Variants in LRRC3C observed in about 807,000 individuals in gnomAD.
LRRC3C encodes the protein leucine rich repeat containing 3C.
LRRC3C carries 11 observed loss-of-function variants against 14.8 expected under a neutral mutation model. The observed-to-expected ratio is 0.74, with a 90% CI of 0.47 to 1.23. LRRC3C has a LOEUF of 1.23. LRRC3C is among the 50% of genes most tolerant of loss of function. LRRC3C has a pLI of 0.00. For synonymous variants in LRRC3C, 149 were observed against 161.5 expected, an observed-to-expected ratio of 0.92 and a Z score of 0.59; for missense variants, 354 against 361.8, an observed-to-expected ratio of 0.98 and a Z score of 0.18.
chr17:39,927,842 T>G (rs1021751744), intron 1 of LRRC3C, 28 bp downstream of exon 1: 1 of 985,514 alleles, frequency 1.0e-6, no homozygotes, highest in Non-Finnish European at 1.2e-6. Context: ...CTTTTGCTTC[T>G]GTGCCCTTCA....
intron 1 of LRRC3C, among the ~76,000 whole-genome samples, chr17:39,931,768 G>A (rs1978657430): frequency 9.0e-4 from 1 of 1,108 alleles, no homozygotes. Flanking sequence ...TCCTGCCTCA[G>A]CCTCCCGAGT....
chr17:39,939,756 T>G (rs1372150907), intron 2 of LRRC3C, among the ~76,000 whole-genome samples: 1 of 152,182 alleles, frequency 6.6e-6, no homozygotes, highest in African/African-American at 2.4e-5. Context: ...CTAAGTGTGG[T>G]TCCTCCTTCC....
chr17:39,943,744 T>C (rs1013920534), intron 3 of LRRC3C, among the ~76,000 whole-genome samples, 189 bp from the exon 4 acceptor site: 2 of 151,936 alleles, frequency 1.3e-5, no homozygotes, highest in African/African-American at 4.8e-5. Context: ...AAGACCCTAT[T>C]GAGGAGACTT....
intron 1 of LRRC3C, among the ~76,000 whole-genome samples, chr17:39,931,985 C>T (rs1978662809): frequency 6.6e-6 from 1 of 152,042 alleles, no homozygotes; most frequent in Non-Finnish European, 1.5e-5. Context: ...TAAAACTGTT[C>T]ATAATAAAAA....
At chr17:39,939,520 G>A (rs1978884879) in intron 2 of LRRC3C, 1 of 554,346 alleles carries the variant, frequency 1.8e-6, no homozygotes, top group African/African-American at 2.1e-5. Flanking sequence ...TGGTCCAGAT[G>A]AAGCCCCAGC....
chr17:39,944,039 C>A lies in LRRC3C; in HGVS notation c.133C>A (p.Pro45Thr). Reference sequence around the variant, plus strand: ...AGGCACAGGGGGTACTGTGCCCAGCCCCCAGGTGCCTCCCCGGGGCTGTTA... The same window carrying A: ...AGGCACAGGGGGTACTGTGCCCAGCACCCAGGTGCCTCCCCGGGGCTGTTA... ...VIGTGGTVPS[P>T]QVPPRGCYVA... The change falls in exon 4 of 4, where the codon CCC (proline) becomes ACC (threonine). Residue 45 changes from proline to threonine, a missense_variant. Transcript: ENST00000377924. 1 of 1,536,118 alleles carries A rather than the reference C, an allele frequency of 6.5e-7. No homozygotes were observed. The highest frequency in any genetic ancestry group is 8.7e-7 in the Non-Finnish European group (1 of 1,146,878).
intron 1 of LRRC3C, among the ~76,000 whole-genome samples, chr17:39,928,285 G>T (rs909251055): frequency 6.6e-6 from 1 of 152,226 alleles, no homozygotes; most frequent in Non-Finnish European, 1.5e-5. Flanking sequence ...AGCTTGTGTG[G>T]CTTTGAATGA....
chr17:39,938,111 G>A (rs1484140854), intron 2 of LRRC3C, among the ~76,000 whole-genome samples: 1 of 151,950 alleles, frequency 6.6e-6, no homozygotes, highest in African/African-American at 2.4e-5. Flanking sequence ...CAGCCTGGGC[G>A]ACAGAGTGAG....
At chr17:39,930,777 CA>C (rs1598291210) in intron 1 of LRRC3C, among the ~76,000 whole-genome samples, 1 of 146,788 alleles carries the variant, frequency 6.8e-6, no homozygotes, top group East Asian at 2.0e-4. Flanking sequence ...ACAAGGTATT[CA>C]ACGATATTAA....
In LRRC3C at chr17:39,933,429, G is replaced by A. The variant is rs182232076; in HGVS notation, c.-174-2373G>A. 2.4e-3 allele frequency among the ~76,000 whole-genome samples: 363 copies of A among 152,212 alleles called. 1 individual carries two copies. The highest frequency in any genetic ancestry group is 2.7e-3 in the Admixed American group (41 of 15,284). ...TGGCCGTGTTCAGAAGCTGGGAGAA[G>A]GGATGTCAAGAAACAGTGCCTCGAG... is the stretch of plus-strand genomic sequence containing the variant. On this transcript the variant is annotated intron_variant, in intron 1 of 3. Transcript: ENST00000377924.
chr17:39,941,549 T>A lies in LRRC3C; in HGVS notation c.26T>A (p.Val9Glu). Residue 9 changes from valine (V) to glutamate (E), a missense_variant and splice_region_variant, in exon 3 of 4, where the codon GTA becomes GAA. Val to Glu is a moderately radical substitution (Grantham distance 121). Coordinates refer to ENST00000377924, the MANE Select transcript of LRRC3C (RefSeq NM_001195545.2). MRMTSSSF[V>E]SYCTPGLCQF... ...ATGCGTATGACCTCATCTTCCTTCG[T>A]GTAAGTATATCCACCCCTAGTCTCT... The A allele has an allele frequency of 6.5e-7, 1 of 1,535,494 alleles. No individual in the cohort carries two copies. Among genetic ancestry groups the A allele is most frequent in the Non-Finnish European group, 8.7e-7 (1 of 1,146,574 alleles).
intron 1 of LRRC3C, among the ~76,000 whole-genome samples, chr17:39,933,146 T>C (rs1389819611): frequency 1.3e-5 from 2 of 152,224 alleles, no homozygotes; most frequent in Non-Finnish European, 2.9e-5. Context: ...TTTTTCATTC[T>C]CTAGTTTCAA....
At chr17:39,938,121 G>T (rs910434062) in intron 2 of LRRC3C, among the ~76,000 whole-genome samples, 3 of 151,760 alleles carry the variant, frequency 2.0e-5, no homozygotes, top group Non-Finnish European at 4.4e-5. Context: ...GACAGAGTGA[G>T]ACTCTGTCTC....
rs1313086313 is a variant in LRRC3C, at chr17:39,944,173, C to T, written c.267C>T (p.Asn89=). 4 of 1,536,250 alleles carry T rather than the reference C, an allele frequency of 2.6e-6. No homozygotes were observed. The highest frequency in any genetic ancestry group is 3.5e-6 in the Non-Finnish European group (4 of 1,146,938). Reference sequence around the variant, plus strand: ...CCCGCAAGCTCTACCTGGATGCCAACCAGCTGGCATCGGTGCCTGCTGGTG... The same window carrying T: ...CCCGCAAGCTCTACCTGGATGCCAATCAGCTGGCATCGGTGCCTGCTGGTG... The part of the protein sequence containing the change: ...NDTRKLYLDA[N]QLASVPAGAF... Residue 89 remains asparagine (N), a synonymous_variant, in exon 4 of 4, where the codon AAC becomes AAT. Coordinates refer to ENST00000377924, the MANE Select transcript of LRRC3C (RefSeq NM_001195545.2).
intron 2 of LRRC3C, among the ~76,000 whole-genome samples, chr17:39,936,410 C>G (rs895020349): frequency 6.6e-6 from 1 of 152,178 alleles, no homozygotes; most frequent in Non-Finnish European, 1.5e-5. Context: ...AGGTCTTTAT[C>G]ATCTCACACC....
chr17:39,939,949 T>C (rs1410617501), intron 2 of LRRC3C, among the ~76,000 whole-genome samples: 1 of 152,106 alleles, frequency 6.6e-6, no homozygotes, highest in Non-Finnish European at 1.5e-5. Context: ...CAGGCTCAAT[T>C]CTTGTGCCTC....
chr17:39,936,649 CAA>C (rs762019861), intron 2 of LRRC3C, among the ~76,000 whole-genome samples: 83 of 77,364 alleles, frequency 1.1e-3, no homozygotes, highest in African/African-American at 3.2e-3. Flanking sequence ...CACAAAAATA[CAA>C]AAAAAAAAAA....
chr17:39,944,827 C>G lies in LRRC3C; in HGVS notation c.*93C>G. On this transcript the variant is annotated 3_prime_UTR_variant, in exon 4 of 4. Coordinates refer to ENST00000377924, the MANE Select transcript of LRRC3C (RefSeq NM_001195545.2). Reference sequence around the variant, plus strand: ...CCCTCTGCCTCCTGTGCAGCTTCACCCCTGCCCCCAAGCCCATCCCACCCC... The same window carrying G: ...CCCTCTGCCTCCTGTGCAGCTTCACGCCTGCCCCCAAGCCCATCCCACCCC... 8.4e-7 allele frequency: 1 copy of G among 1,183,734 alleles called. No homozygotes were observed. The highest frequency in any genetic ancestry group is 2.6e-5 in the East Asian group (1 of 38,692). 73.3% of individuals were successfully genotyped at this position (1,183,734 alleles called of 1,614,324 possible).
At position 39,944,743 on chromosome 17, in the gene LRRC3C, G is replaced by A; in HGVS notation, c.*9G>A. The A allele has an allele frequency of 6.5e-7, 1 of 1,535,422 alleles. No individual in the cohort carries two copies. On this transcript the variant is annotated 3_prime_UTR_variant, in exon 4 of 4. Transcript: ENST00000377924. Reference sequence around the variant, plus strand: ...TCAGCACAGTGGTCTGATGACCCAGGATGCTCCTCCAGCCACACCCCACAC... The same window carrying A: ...TCAGCACAGTGGTCTGATGACCCAGAATGCTCCTCCAGCCACACCCCACAC...
Sources: allele counts gnomAD v4.1 joint callset (sites outside exome capture counted in the v4.1 genomes callset), GRCh38; gene constraint gnomAD v4.1.1; transcripts MANE v1.5; gene names NCBI Gene and HGNC (gene_info 2026-07-23, HGNC 2026-07-21).